Variants in POC5 observed in about 807,000 individuals in gnomAD.
POC5 encodes the protein centrosomal protein POC5.
A neutral mutation model predicts 62.9 loss-of-function variants in POC5; 48 were observed. That is an observed-to-expected ratio of 0.76 (90% CI 0.61 to 0.97). POC5 has a LOEUF of 0.97. Ranked by LOEUF, POC5 falls within the 50% of genes least tolerant of loss-of-function variation. The pLI is 0.00. For missense variants in POC5, 696 were observed against 679.5 expected (o/e 1.02, Z -0.27); for synonymous variants, 236 against 228.2 (o/e 1.03, Z -0.31).
In POC5 at chr5:75,694,830, G is replaced by C; in HGVS notation, c.515C>G (p.Thr172Arg). Reference sequence around the variant, plus strand: ...TTTACTTAGTTCAGATATGATGTTTGTCTGAAAAATTAATATAGTGACAAT... The same window carrying C: ...TTTACTTAGTTCAGATATGATGTTTCTCTGAAAAATTAATATAGTGACAAT... ...VLDLWSSGLKTNIISELSKWR... is the reference protein window; with the variant it reads ...VLDLWSSGLKRNIISELSKWR... Residue 172 changes from threonine (T) to arginine (R), a missense_variant and splice_region_variant, in exon 6 of 12, where the codon ACA (threonine) becomes AGA (arginine). Transcript: ENST00000428202. 6.6e-7 allele frequency: 1 copy of C among 1,507,164 alleles called. No homozygotes were observed. Among genetic ancestry groups the C allele is most frequent in the Non-Finnish European group, 9.0e-7 (1 of 1,108,314 alleles). The allele number at this position is 1,507,164 out of a possible 1,614,324, so 93.4% of individuals were successfully genotyped here. A position where few individuals can be genotyped will look rare whatever the true frequency, so the allele number is the denominator to read the frequency against.
chr5:75,693,967 A>C (rs890450198), intron 6 of POC5, among the ~76,000 whole-genome samples: 2 of 152,220 alleles, frequency 1.3e-5, no homozygotes, highest in Non-Finnish European at 2.9e-5. Flanking sequence ...TTATCAATAA[A>C]ATGAAGAAAG....
At chr5:75,679,813 G>A (rs1294274483) in intron 10 of POC5, among the ~76,000 whole-genome samples, 1 of 152,108 alleles carries the variant, frequency 6.6e-6, no homozygotes, top group Non-Finnish European at 1.5e-5. Flanking sequence ...CCTCTTATCT[G>A]TAATAAGTTA....
chr5:75,701,797 C>T (rs1380890127), intron 5 of POC5, among the ~76,000 whole-genome samples: 1 of 152,002 alleles, frequency 6.6e-6, no homozygotes, highest in Non-Finnish European at 1.5e-5. Context: ...TACTTAAAGG[C>T]CAGTAGTATC....
At position 75,689,079 on chromosome 5, in the gene POC5, A is replaced by C; in HGVS notation, c.1062T>G (p.Ala354=). The C allele has an allele frequency of 6.2e-7, 1 of 1,604,144 alleles. No individual in the cohort carries two copies. Among genetic ancestry groups the C allele is most frequent in the Non-Finnish European group, 8.5e-7 (1 of 1,175,024 alleles). ...KEHFEDSMKK[A]FMRGVCALNL... The stretch of plus-strand genomic sequence containing the variant: ...TTAATGCACATACACCCCTCATGAA[A>C]GCTTTTTTCATGGAATCTTCAAAGT... The change falls in exon 9 of 12, where the codon GCT becomes GCG. Residue 354 remains alanine, a synonymous_variant. Transcript: ENST00000428202.
chr5:75,705,036 C>A (rs975862176), intron 4 of POC5, among the ~76,000 whole-genome samples: 1 of 151,984 alleles, frequency 6.6e-6, no homozygotes, highest in Admixed American at 6.6e-5. Flanking sequence ...CCCACCTCTA[C>A]AGAAAAGTTA....
intron 7 of POC5, 34 bp downstream of exon 7, chr5:75,692,362 A>G: frequency 6.9e-7 from 1 of 1,453,316 alleles, no homozygotes; most frequent in Non-Finnish European, 9.4e-7. Flanking sequence ...CAGAAGTCTA[A>G]CATCCATCAG....
At chr5:75,695,057 A>G (rs1488501331) in intron 5 of POC5, among the ~76,000 whole-genome samples, 1 of 152,154 alleles carries the variant, frequency 6.6e-6, no homozygotes. Context: ...TATTTTAACT[A>G]ATTTTGTATG....
intron 10 of POC5, among the ~76,000 whole-genome samples, chr5:75,682,759 C>A (rs191877628): frequency 2.0e-5 from 3 of 152,078 alleles, no homozygotes; most frequent in African/African-American, 7.2e-5. Flanking sequence ...TTGTGATCCA[C>A]CTGCCTCGGC....
Position 75,707,741 on chromosome 5 carries a change from A to T in POC5, c.219T>A (p.Ser73Arg). The T allele has an allele frequency of 6.5e-7, 1 of 1,532,294 alleles. No homozygotes were observed. Among genetic ancestry groups the T allele is most frequent in the Non-Finnish European group, 8.9e-7 (1 of 1,129,404 alleles). The allele number at this position is 1,532,294 out of a possible 1,614,324, so 94.9% of individuals were successfully genotyped here. A position where few individuals can be genotyped will look rare whatever the true frequency, so the allele number is the denominator to read the frequency against. The change falls in exon 3 of 12, where the codon AGT (serine) becomes AGA (arginine). Residue 73 changes from serine to arginine, a missense_variant. Transcript: ENST00000428202. ...ATCTTGAAAAATATATATAACCTTGACTATGAAGAATATCATGAATTGTAG... is the reference window on the plus strand; with the variant it reads ...ATCTTGAAAAATATATATAACCTTGTCTATGAAGAATATCATGAATTGTAG... ...RISTIHDILH[S>R]QGNNSEVRET... is the part of the protein sequence containing the mutation.
At chr5:75,701,389 C>A (rs1776872648) in intron 5 of POC5, among the ~76,000 whole-genome samples, 1 of 129,368 alleles carries the variant, frequency 7.7e-6, no homozygotes, top group African/African-American at 2.7e-5. Flanking sequence ...ACTATGCAGC[C>A]ATAAAAAATG....
At chr5:75,676,198 T>C (rs1775643542) in intron 11 of POC5, among the ~76,000 whole-genome samples, 1 of 152,238 alleles carries the variant, frequency 6.6e-6, no homozygotes, top group Non-Finnish European at 1.5e-5. Flanking sequence ...ACATGTGCTC[T>C]CTTTACACCT....
chr5:75,699,682 A>G (rs1009070977), intron 5 of POC5, among the ~76,000 whole-genome samples: 246 of 143,316 alleles, frequency 1.7e-3, no homozygotes, highest in African/African-American at 6.0e-3. Flanking sequence ...CTCTCTCACC[A>G]CTCCTATTCA....
rs546563240 is a variant in POC5 at position 75,712,703 on chromosome 5, G to A, written c.84+151C>T. On this transcript the variant is annotated intron_variant, in intron 2 of 11. Coordinates refer to ENST00000428202, the MANE Select transcript of POC5 (RefSeq NM_001099271.2). ...AACAATGTAAAGTCACTCCTAAAAT[G>A]TGTACAGTAATTCCTGAAGTTTGAT... is the stretch of plus-strand genomic sequence containing the variant. 44 of 731,698 alleles carry A rather than the reference G, an allele frequency of 6.0e-5. No individual in the cohort carries two copies. In the Admixed American group the frequency reaches 9.1e-4, roughly 15 times the overall value. The allele number at this position is 731,698 out of a possible 1,614,324, so 45.3% of individuals were successfully genotyped here. A position where few individuals can be genotyped will look rare whatever the true frequency, so the allele number is the denominator to read the frequency against.
chr5:75,692,519 C>A lies in POC5; in HGVS notation c.691-19G>T. 2.0e-6 allele frequency: 3 copies of A among 1,506,072 alleles called. No individual in the cohort carries two copies. Among genetic ancestry groups the A allele is most frequent in the Non-Finnish European group, 1.8e-6 (2 of 1,112,978 alleles). The allele number at this position is 1,506,072 out of a possible 1,614,324, so 93.3% of individuals were successfully genotyped here. A position where few individuals can be genotyped will look rare whatever the true frequency, so the allele number is the denominator to read the frequency against. ...AAATCACCTGTAAACAGCAATTAAC[C>A]CAATTATTGTGATATTAAAATAACA... On this transcript the variant is annotated intron_variant, in intron 6 of 11. Transcript: ENST00000428202.
intron 10 of POC5, 105 bp from the exon 11 acceptor site, chr5:75,678,055 T>G: frequency 1.1e-6 from 1 of 903,078 alleles, no homozygotes; most frequent in Non-Finnish European, 1.5e-6. Context: ...TTAAAATAAC[T>G]GTATGTTCAA....
intron 10 of POC5, among the ~76,000 whole-genome samples, chr5:75,678,442 C>A (rs1472000561): frequency 6.6e-6 from 1 of 152,122 alleles, no homozygotes; most frequent in Admixed American, 6.5e-5. Context: ...TCCCTCGTGC[C>A]ACCCTTGACA....
chr5:75,693,509 AC>A (rs1776433124), intron 6 of POC5, among the ~76,000 whole-genome samples: 3 of 152,204 alleles, frequency 2.0e-5, no homozygotes, highest in Admixed American at 2.0e-4. Flanking sequence ...CATAAACTGA[AC>A]ATATGATATC....
chr5:75,675,276 TATCAGTACAAGGC>T (rs1327300215), intron 11 of POC5, among the ~76,000 whole-genome samples: 2 of 152,198 alleles, frequency 1.3e-5, no homozygotes, highest in African/African-American at 4.8e-5. Context: ...GAACAATATG[TATCAGTACAAGGC>T]TTTTCCCTAT....
At chr5:75,690,235 A>G (rs926641429) in intron 8 of POC5, 148 bp downstream of exon 8, 2 of 791,604 alleles carry the variant, frequency 2.5e-6, no homozygotes, top group African/African-American at 1.8e-5. Context: ...TATACAATAA[A>G]CATTAAATTA....
Sources: gnomAD v4.1 joint callset for allele counts (sites outside exome capture counted in the v4.1 genomes callset) on GRCh38, gnomAD v4.1.1 for gene constraint, MANE v1.5 for transcripts, NCBI Gene and HGNC (gene_info 2026-07-23, HGNC 2026-07-21) for gene names.